Variants in OTUD7A observed in about 807,000 individuals in gnomAD.
OTUD7A encodes the protein OTU domain-containing protein 7A.
A neutral mutation model predicts 65.7 loss-of-function variants in OTUD7A; 12 were observed. That is an observed-to-expected ratio of 0.18 (90% CI 0.12 to 0.30). OTUD7A has a LOEUF of 0.30. Among genes scored for constraint, OTUD7A ranks in the 10% least tolerant of loss-of-function variants. OTUD7A has a pLI of 1.00. For synonymous variants in OTUD7A, 641 were observed against 586.3 expected, an observed-to-expected ratio of 1.09 and a Z score of -1.35; for missense variants, 1,148 against 1,304.8, an observed-to-expected ratio of 0.88 and a Z score of 1.85.
At chr15:31,657,260 G>C (rs1439197819) in intron 1 of OTUD7A, among the ~76,000 whole-genome samples, 183 bp from the exon 2 acceptor site, 1 of 152,232 alleles carries the variant, frequency 6.6e-6, no homozygotes. Context: ...CCCATGCCCG[G>C]GCCTGGCCAG....
chr15:31,623,183 G>A (rs557230564), intron 3 of OTUD7A, among the ~76,000 whole-genome samples: 3 of 152,206 alleles, frequency 2.0e-5, no homozygotes, highest in Non-Finnish European at 4.4e-5. Flanking sequence ...TACTTCGGGG[G>A]TGCCTTCCAG....
intron 3 of OTUD7A, among the ~76,000 whole-genome samples, chr15:31,571,089 T>C (rs1889040694): frequency 6.6e-6 from 1 of 152,150 alleles, no homozygotes; most frequent in South Asian, 2.1e-4. Flanking sequence ...ATATCCCAAT[T>C]AGCCAGATTT....
At chr15:31,726,271 T>C (rs1893881108) in intron 1 of OTUD7A, among the ~76,000 whole-genome samples, 1 of 152,032 alleles carries the variant, frequency 6.6e-6, no homozygotes, top group Non-Finnish European at 1.5e-5. Flanking sequence ...TCCTGGATAG[T>C]TCCTACATGA....
chr15:31,549,152 A>G (rs2141143926), intron 5 of OTUD7A, among the ~76,000 whole-genome samples: 1 of 151,906 alleles, frequency 6.6e-6, no homozygotes, highest in Non-Finnish European at 1.5e-5. Context: ...AAAAAAAAAA[A>G]AAAAAGTAGA....
chr15:31,622,077 T>C (rs1167665266), intron 3 of OTUD7A, among the ~76,000 whole-genome samples: 3 of 152,232 alleles, frequency 2.0e-5, no homozygotes, highest in African/African-American at 7.2e-5. Flanking sequence ...TCTTTAACAA[T>C]GTTGAATATT....
Position 31,766,690 on chromosome 15 carries a change from C to T in OTUD7A, c.-100+103817G>A, listed in dbSNP as rs1054936747. 6.2e-6 allele frequency: 10 copies of T among 1,606,788 alleles called. No homozygotes were observed. The East Asian group carries it at 8.9e-5, about 14-fold the overall frequency. On this transcript the variant is annotated intron_variant, in intron 1 of 12. Transcript: ENST00000307050. ...CTGTTCTGACTTGCATTTCCCATTA[C>T]ACAACTCCTCTTGGTCTTGAACAAT...
At chr15:31,736,469 G>C (rs1894195825) in intron 1 of OTUD7A, among the ~76,000 whole-genome samples, 1 of 152,120 alleles carries the variant, frequency 6.6e-6, no homozygotes, top group African/African-American at 2.4e-5. Context: ...ACAAAAAAGA[G>C]GTGCTGTCTT....
At chr15:31,543,564 CA>C (rs1235122035) in intron 5 of OTUD7A, among the ~76,000 whole-genome samples, 7 of 151,854 alleles carry the variant, frequency 4.6e-5, no homozygotes, top group Non-Finnish European at 7.4e-5. Context: ...GCAAATGGTA[CA>C]TCAGGAATGT....
chr15:31,753,729 A>C (rs1247389175), intron 1 of OTUD7A, among the ~76,000 whole-genome samples: 1 of 112,920 alleles, frequency 8.9e-6, no homozygotes, highest in African/African-American at 3.9e-5. Flanking sequence ...TATTATATAT[A>C]TATATATATA....
intron 8 of OTUD7A, among the ~76,000 whole-genome samples, chr15:31,523,534 T>C (rs532796315): frequency 5.3e-5 from 8 of 152,280 alleles, no homozygotes; most frequent in African/African-American, 1.7e-4. Flanking sequence ...GTCCCCACCA[T>C]AGATGAGTCC....
chr15:31,662,221 A>C (rs116680131), intron 1 of OTUD7A, among the ~76,000 whole-genome samples: 4 of 152,286 alleles, frequency 2.6e-5, no homozygotes, highest in Non-Finnish European at 5.9e-5. Context: ...TTTATTTATT[A>C]GCTGGAATTC....
chr15:31,761,718 A>G (rs1393506597), intron 1 of OTUD7A, among the ~76,000 whole-genome samples: 5 of 152,354 alleles, frequency 3.3e-5, no homozygotes, highest in Admixed American at 3.3e-4. Context: ...GAATTGTCAT[A>G]ACAGCATTAC....
chr15:31,814,541 T>G (rs1896501070), intron 1 of OTUD7A, among the ~76,000 whole-genome samples: 1 of 151,900 alleles, frequency 6.6e-6, no homozygotes, highest in Admixed American at 6.5e-5. Flanking sequence ...TTTTTTTTTT[T>G]GAGACAGAGT....
At chr15:31,727,366 C>G (rs1320030893) in intron 1 of OTUD7A, among the ~76,000 whole-genome samples, 1 of 152,232 alleles carries the variant, frequency 6.6e-6, no homozygotes, top group African/African-American at 2.4e-5. Context: ...GGCAGGAATA[C>G]CACATATTGT....
intron 1 of OTUD7A, among the ~76,000 whole-genome samples, chr15:31,740,345 C>T (rs1304441168): frequency 2.6e-5 from 4 of 151,514 alleles, no homozygotes; most frequent in Admixed American, 6.6e-5. Context: ...AACCAGGAGT[C>T]GCTGCAGGCT....
intron 3 of OTUD7A, among the ~76,000 whole-genome samples, chr15:31,628,995 G>C (rs1459601793): frequency 6.6e-6 from 1 of 152,120 alleles, no homozygotes; most frequent in African/African-American, 2.4e-5. Context: ...ATTTTGGGCT[G>C]AGACAATGGG....
chr15:31,767,457 A>C, intron 1 of OTUD7A: 1 of 773,992 alleles, frequency 1.3e-6, no homozygotes, highest in Non-Finnish European at 2.4e-6. Context: ...CCAATTTGCT[A>C]GGCACTTCAT....
At chr15:31,673,832 G>A (rs750733632) in intron 1 of OTUD7A, among the ~76,000 whole-genome samples, 5 of 152,298 alleles carry the variant, frequency 3.3e-5, no homozygotes, top group African/African-American at 9.6e-5. Flanking sequence ...CACACTTTGC[G>A]CATTGAGCTG....
chr15:31,753,701 ATTATATATATATATATATATTATATAT>A (rs1567004867), intron 1 of OTUD7A, among the ~76,000 whole-genome samples: 1 of 40,542 alleles, frequency 2.5e-5, no homozygotes, highest in African/African-American at 1.6e-4. Context: ...ATATATATAT[ATTATATATATATATATATATTATATAT>A]ATATATATAT....
Sources: gnomAD v4.1 joint callset for allele counts (sites outside exome capture counted in the v4.1 genomes callset) on GRCh38, gnomAD v4.1.1 for gene constraint, MANE v1.5 for transcripts, NCBI Gene and HGNC (gene_info 2026-07-23, HGNC 2026-07-21) for gene names.